The following LTN1 variants were observed in gnomAD, a reference collection of about 807,000 sequenced individuals.
LTN1 encodes listerin E3 ubiquitin protein ligase 1.
Under a neutral mutation model 201.2 loss-of-function variants are expected in LTN1, and 88 were observed. The ratio of observed to expected loss-of-function variants is 0.44; its 90% CI spans 0.37 to 0.52. The LOEUF (loss-of-function observed/expected upper bound fraction) is 0.52, where lower values mean the gene tolerates loss of function less well. LTN1 is among the 20% of genes least tolerant of loss of function. LTN1 has a pLI of 0.00. For missense variants in LTN1, 1,752 were observed against 2,038.7 expected (o/e 0.86, Z 2.71); for synonymous variants, 645 against 713.5 (o/e 0.90, Z 1.53).
chr21:28,990,994 A>G (rs2084740496), intron 1 of LTN1, among the ~76,000 whole-genome samples: 2 of 152,168 alleles, frequency 1.3e-5, no homozygotes, highest in African/African-American at 2.4e-5. Flanking sequence ...AAAATAAGCT[A>G]GCCGTGATGG....
chr21:28,981,985 C>T (rs561412584), intron 5 of LTN1, among the ~76,000 whole-genome samples: 49 of 152,270 alleles, frequency 3.2e-4, no homozygotes, highest in South Asian at 1.2e-3. Context: ...GAGGCCGAGG[C>T]GGGTGGATCA....
chr21:28,944,722 G>A, intron 21 of LTN1, 126 bp from the exon 22 acceptor site: 1 of 646,288 alleles, frequency 1.5e-6, no homozygotes, highest in Non-Finnish European at 2.6e-6. Flanking sequence ...GTTGAGGTGT[G>A]TAATCTCAGG....
In LTN1 at chr21:28,986,867, C is replaced by G; in HGVS notation, c.110G>C (p.Gly37Ala). The G allele has an allele frequency of 6.2e-7, 1 of 1,614,088 alleles. No individual in the cohort carries two copies. The highest frequency in any genetic ancestry group is 8.5e-7 in the Non-Finnish European group (1 of 1,180,004). ...TAGGTCACTCTGAGATGTTCCAAAA[C>G]CAATAAATCCAGGCACTGTTCCCTG... ...KEQGTVPGFI[G>A]FGTSQSDLGY... Residue 37 changes from glycine to alanine, a missense_variant, in exon 2 of 30, where the codon GGT becomes GCT. Transcript: ENST00000361371. The surrounding 1 kb of genome is among the most constrained non-coding windows in gnomAD (Gnocchi z 4.1).
chr21:28,957,613 C>T, intron 14 of LTN1, 137 bp from the exon 15 acceptor site: 2 of 471,066 alleles, frequency 4.2e-6, no homozygotes, highest in Non-Finnish European at 7.0e-6. Context: ...AAGTGACATT[C>T]CCCCACCGAT....
chr21:28,933,068 C>T (rs2084224288), intron 27 of LTN1, among the ~76,000 whole-genome samples: 1 of 152,168 alleles, frequency 6.6e-6, no homozygotes, highest in Admixed American at 6.5e-5. Flanking sequence ...TTGGAGCCAA[C>T]TATCAACTGT....
intron 6 of LTN1, among the ~76,000 whole-genome samples, chr21:28,975,993 C>T (rs557107536): frequency 1.2e-3 from 183 of 152,236 alleles, no homozygotes; most frequent in African/African-American, 4.3e-3. Context: ...AGAGTAATGC[C>T]TAGCTCCATT....
Position 28,959,492 on chromosome 21 carries a change from T to C in LTN1, c.2559A>G (p.Leu853=). ...GTGTTTTTTCTTTGCTCTGAGCACA[T>C]AACTGAAAGAGAGTTAATAATAAAT... ...SEDLLLTLFQ[L]CAQSKEKTHL... Residue 853 remains leucine, a synonymous_variant, in exon 13 of 30, where the codon TTA becomes TTG. Coordinates refer to ENST00000361371, the MANE Select transcript of LTN1 (RefSeq NM_015565.3). 6.2e-7 allele frequency: 1 copy of C among 1,613,994 alleles called. No individual in the cohort carries two copies. Among genetic ancestry groups the C allele is most frequent in the Non-Finnish European group, 8.5e-7 (1 of 1,179,916 alleles).
rs761529066 is a variant in LTN1 at position 28,986,445 on chromosome 21, C to T, written c.247-208G>A. On this transcript the variant is annotated intron_variant, in intron 2 of 29. Coordinates refer to ENST00000361371, the MANE Select transcript of LTN1 (RefSeq NM_015565.3). This position sits in a 1 kb window ranked among gnomAD's most constrained non-coding sequence, Gnocchi z 4.1. Reference sequence around the variant, plus strand: ...TTTTTAAAAATAAAACATCTACAAACAAAAAAACCTCATTTAAAGTTACAA... The same window carrying T: ...TTTTTAAAAATAAAACATCTACAAATAAAAAAACCTCATTTAAAGTTACAA... 36 of 677,756 alleles carry T rather than the reference C, an allele frequency of 5.3e-5. No homozygotes were observed. Among genetic ancestry groups the T allele is most frequent in the East Asian group, 4.2e-4 (15 of 35,894 alleles). 42.0% of individuals were successfully genotyped at this position (677,756 alleles called of 1,614,324 possible).
chr21:28,965,758 C>G (rs2084516090), intron 11 of LTN1, 107 bp downstream of exon 11: 1 of 641,022 alleles, frequency 1.6e-6, no homozygotes, highest in East Asian at 3.2e-5. Context: ...TTCTCTAACA[C>G]AGAACCTGAC....
At chr21:28,935,354 T>TTCTATATAAGAAATATA (rs2084246576) in intron 26 of LTN1, 25 bp from the exon 27 acceptor site, 2 of 1,332,976 alleles carry the variant, frequency 1.5e-6, no homozygotes, top group East Asian at 4.9e-5. Context: ...AATTATTGAT[T>TTCTATATAAGAAATATA]AGTAACATAT....
chr21:28,930,585 A>T (rs2084203016), intron 29 of LTN1, 75 bp from the exon 30 acceptor site: 1 of 916,060 alleles, frequency 1.1e-6, no homozygotes, highest in African/African-American at 1.7e-5. Context: ...AAGTACACAT[A>T]CATCTATAGT....
intron 6 of LTN1, among the ~76,000 whole-genome samples, chr21:28,976,417 C>G (rs1005703728): frequency 6.6e-6 from 1 of 151,968 alleles, no homozygotes; most frequent in Non-Finnish European, 1.5e-5. Flanking sequence ...TTGGCCAACA[C>G]AGTGAGACCC....
rs367741751 is a variant in LTN1, at chr21:28,959,621, T to G, written c.2430A>C (p.Leu810Phe). The G allele has an allele frequency of 6.2e-7, 1 of 1,614,022 alleles. No individual in the cohort carries two copies. The highest frequency in any genetic ancestry group is 8.5e-7 in the Non-Finnish European group (1 of 1,179,930). Residue 810 changes from leucine (L) to phenylalanine (F), a missense_variant, in exon 13 of 30, where the codon TTA (leucine) becomes TTC (phenylalanine). Physicochemically the swap from Leu to Phe is conservative, Grantham distance 22. Transcript: ENST00000361371. Reference protein sequence around the residue: ...LHETLFKTKKLSEAESSDSSV... With the variant: ...LHETLFKTKKFSEAESSDSSV... ...ATGAGTCACTGCTTTCAGCTTCTGA[T>G]AATTTCTTTGTTTTGAATAAAGTTT... is the stretch of plus-strand genomic sequence containing the variant.
rs1183314898 is a variant in LTN1, at chr21:28,984,847, C to A, written c.421G>T (p.Ala141Ser). 1 of 1,614,018 alleles carries A rather than the reference C, an allele frequency of 6.2e-7. No individual in the cohort carries two copies. Among genetic ancestry groups the A allele is most frequent in the South Asian group, 1.1e-5 (1 of 91,070 alleles). The part of the protein sequence containing the change: ...KLILKVKKQL[A>S]PYLKSLMGYW... ...CCCATTAAACTTTTTAAGTAGGGAG[C>A]CAACTGTTTCTTTACTTTAAGGATA... is the stretch of plus-strand genomic sequence containing the variant. The change falls in exon 4 of 30, where the codon GCT (alanine) becomes TCT (serine). Residue 141 changes from alanine (A) to serine (S), a missense_variant. By Grantham distance (99) the Ala-to-Ser change is moderately conservative (BLOSUM62 1). Around this residue, in one of 3 missense-constraint regions of LTN1, gnomAD observed 280 missense variants for 375.7 expected, o/e 0.75. Coordinates refer to ENST00000361371, the MANE Select transcript of LTN1 (RefSeq NM_015565.3).
chr21:28,931,029 A>C (rs1187514051), intron 29 of LTN1, 126 bp downstream of exon 29: 9 of 597,420 alleles, frequency 1.5e-5, no homozygotes, highest in South Asian at 6.2e-5. Flanking sequence ...AATTAAGTTT[A>C]ACACACATTT....
Position 28,982,497 on chromosome 21 carries a change from C to T in LTN1, c.577-129G>A. ...ACATCATCTTACCTAAGAGCAGAATCAAATAGCAAAACTGAAAGGTTTGAA... is the reference window on the plus strand; with the variant it reads ...ACATCATCTTACCTAAGAGCAGAATTAAATAGCAAAACTGAAAGGTTTGAA... On this transcript the variant is annotated intron_variant, in intron 4 of 29. Coordinates refer to ENST00000361371, the MANE Select transcript of LTN1 (RefSeq NM_015565.3). 4.5e-6 allele frequency: 3 copies of T among 672,854 alleles called. No homozygotes were observed. In the Admixed American group the frequency reaches 8.2e-5, roughly 18 times the overall value. The allele number at this position is 672,854 out of a possible 1,614,324, so 41.7% of individuals were successfully genotyped here.
rs534587741 is a variant in LTN1, at chr21:28,960,426, C to T, written c.2353+91G>A. 2,429 of 955,782 alleles carry T rather than the reference C, an allele frequency of 2.5e-3. 5 individuals are homozygous for T. The highest frequency in any genetic ancestry group is 3.0e-3 in the Non-Finnish European group (2,007 of 659,172). The allele number at this position is 955,782 out of a possible 1,614,324, so 59.2% of individuals were successfully genotyped here. A position where few individuals can be genotyped will look rare whatever the true frequency, so the allele number is the denominator to read the frequency against. ...AATGAGTAAGTCCTGTTATTTTTAA[C>T]CAATAACACATAAGCTGAGCCCCAT... On this transcript the variant is annotated intron_variant, in intron 12 of 29. Coordinates refer to ENST00000361371, the MANE Select transcript of LTN1 (RefSeq NM_015565.3).
chr21:28,964,483 A>G (rs2084504806), intron 11 of LTN1: 1 of 1,167,122 alleles, frequency 8.6e-7, no homozygotes, highest in African/African-American at 1.6e-5. Context: ...TGCACACTTA[A>G]TAGACTGTAG....
intron 25 of LTN1, among the ~76,000 whole-genome samples, chr21:28,938,463 ATTGT>A (rs1353440964): frequency 5.3e-5 from 8 of 152,310 alleles, no homozygotes; most frequent in African/African-American, 1.9e-4. Context: ...TTCCAACTTC[ATTGT>A]TTAATTTTTC....
Sources: gnomAD v4.1 joint callset for allele counts (sites outside exome capture counted in the v4.1 genomes callset) on GRCh38, gnomAD v4.1.1 for gene constraint, gnomAD v4.1.1 regional missense constraint, Gnocchi (gnomAD v3.1) non-coding constraint, MANE v1.5 for transcripts, NCBI Gene and HGNC (gene_info 2026-07-23, HGNC 2026-07-21) for gene names.